AKAP7: variants seen among roughly 807,000 people sequenced by gnomAD.
AKAP7 encodes the protein A-kinase anchoring protein 7, also known as A kinase (PRKA) anchor protein 7.
AKAP7 carries 39 observed loss-of-function variants against 39.5 expected under a neutral mutation model. The observed-to-expected ratio is 0.99, with a 90% confidence interval of 0.76 to 1.29. AKAP7 has a LOEUF of 1.29. Among genes scored for constraint, AKAP7 ranks in the 50% most tolerant of loss-of-function variants. AKAP7 has a pLI of 0.00. For missense variants in AKAP7, 414 were observed against 407.7 expected (o/e 1.02, Z -0.13); for synonymous variants, 140 against 139.1 (o/e 1.01, Z -0.05).
At chr6:131,159,640 T>C (rs1584974696) in intron 2 of AKAP7, among the ~76,000 whole-genome samples, 1 of 152,146 alleles carries the variant, frequency 6.6e-6, no homozygotes, top group South Asian at 2.1e-4. Context: ...GGCAGTAGGG[T>C]TATACCCTAG....
At chr6:131,153,166 A>G (rs1263672452) in intron 2 of AKAP7, among the ~76,000 whole-genome samples, 4 of 151,898 alleles carry the variant, frequency 2.6e-5, no homozygotes, top group Non-Finnish European at 4.4e-5. Context: ...ATTGGGCTCA[A>G]TGTGTATCAA....
intron 5 of AKAP7, among the ~76,000 whole-genome samples, chr6:131,197,983 G>A (rs1807120032): frequency 1.3e-5 from 2 of 152,160 alleles, no homozygotes; most frequent in African/African-American, 4.8e-5. Context: ...AAGCGAATGA[G>A]TTACAGCTGT....
intron 7 of AKAP7, among the ~76,000 whole-genome samples, chr6:131,244,728 G>A (rs537123245): frequency 5.6e-4 from 86 of 152,288 alleles, no homozygotes; most frequent in South Asian, 8.3e-4. Flanking sequence ...GATTGGTGAA[G>A]AATAAGGACT....
rs756814922 is a variant in AKAP7, at chr6:131,226,763, TTTTG to T, written c.850+6972_850+6975del. ...GGGAATTTGGAAAGGTCTAGACGTT[TTTTG>T]TTTGTTTGTTTGTTTGCAGTCCAGT... On this transcript the variant is annotated intron_variant, in intron 7 of 7. Coordinates refer to ENST00000431975, the MANE Select transcript of AKAP7 (RefSeq NM_016377.4). 6.2e-3 allele frequency among the ~76,000 whole-genome samples: 951 copies of T among 152,314 alleles called. 10 individuals carry two copies. Among genetic ancestry groups the T allele is most frequent in the African/African-American group, 0.021 (882 of 41,570 alleles).
At chr6:131,216,357 A>G (rs944907713) in intron 6 of AKAP7, among the ~76,000 whole-genome samples, 1 of 152,164 alleles carries the variant, frequency 6.6e-6, no homozygotes, top group African/African-American at 2.4e-5. Context: ...CATTTAGCTA[A>G]ATGTAAATGA....
At chr6:131,126,874 G>C in the AKAP7 span, among the ~76,000 whole-genome samples, 6 of 152,242 alleles carry the variant, frequency 3.9e-5, no homozygotes, top group African/African-American at 1.4e-4. Context: ...CAGGTGTACA[G>C]AGTGTTTTCC....
chr6:131,231,029 C>T (rs536595695), intron 7 of AKAP7, among the ~76,000 whole-genome samples: 10 of 152,196 alleles, frequency 6.6e-5, no homozygotes, highest in African/African-American at 2.4e-4. Context: ...TGCTTTAGTT[C>T]ATGGGTCCAG....
Position 131,160,087 on chromosome 6 carries a change from G to C in AKAP7, c.180G>C (p.Lys60Asn). 6.3e-7 allele frequency: 1 copy of C among 1,593,616 alleles called. No homozygotes were observed. Among genetic ancestry groups the C allele is most frequent in the African/African-American group, 1.4e-5 (1 of 73,354 alleles). ...GITDEPQINL[K>N]RSQENEWVKS... is the part of the protein sequence containing the mutation. ...CTGATGAACCTCAAATAAATTTGAA[G>C]AGAAGTCAAGAAAATGAATGGGTCA... The change falls in exon 3 of 8, where the codon AAG becomes AAC. Residue 60 changes from lysine (K) to asparagine (N), a missense_variant. Coordinates refer to ENST00000431975, the MANE Select transcript of AKAP7 (RefSeq NM_016377.4).
At chr6:131,173,339 C>A (rs1729533) in intron 5 of AKAP7, among the ~76,000 whole-genome samples, 124,371 of 152,154 alleles carry the variant, frequency 0.82, 51,062 homozygotes, top group East Asian at 0.95. Context: ...GTTACTTGAA[C>A]ACTTAGAATC....
upstream of AKAP7, among the ~76,000 whole-genome samples, chr6:131,135,286 G>A (rs1272534312): frequency 6.6e-6 from 1 of 152,234 alleles, no homozygotes; most frequent in Non-Finnish European, 1.5e-5. Context: ...GGCTGCCAAA[G>A]GCCGTCGGAG....
chr6:131,212,416 A>G (rs1808753618), intron 6 of AKAP7, among the ~76,000 whole-genome samples: 1 of 152,178 alleles, frequency 6.6e-6, no homozygotes, highest in Admixed American at 6.5e-5. Flanking sequence ...TGACTGTTCC[A>G]TATTTAGCTA....
At chr6:131,266,080 C>T (rs1813775439) in intron 7 of AKAP7, among the ~76,000 whole-genome samples, 1 of 152,092 alleles carries the variant, frequency 6.6e-6, no homozygotes, top group African/African-American at 2.4e-5. Flanking sequence ...CGGGAGGAGA[C>T]CCTCAGCAGC....
intron 7 of AKAP7, among the ~76,000 whole-genome samples, chr6:131,242,599 A>G (rs890125936): frequency 6.6e-6 from 1 of 152,034 alleles, no homozygotes; most frequent in Non-Finnish European, 1.5e-5. Flanking sequence ...AGGTAAACAC[A>G]GAACACTAGC....
chr6:131,271,463 A>C, intron 7 of AKAP7, among the ~76,000 whole-genome samples: 1 of 152,132 alleles, frequency 6.6e-6, no homozygotes, highest in East Asian at 1.9e-4. Context: ...GCTTCAAAGT[A>C]AGTCTTGAAA....
rs575524409 is a variant in AKAP7 at position 131,258,308 on chromosome 6, G to A, written c.851-23222G>A. Among the ~76,000 whole-genome samples the A allele has an allele frequency of 7.9e-5, 12 of 152,254 alleles. No homozygotes were observed. The South Asian group carries it at 2.3e-3, about 29-fold the overall frequency. On this transcript the variant is annotated intron_variant, in intron 7 of 7. Coordinates refer to ENST00000431975, the MANE Select transcript of AKAP7 (RefSeq NM_016377.4). ...TACATGGCCTTGTAAAAAGAAATCT[G>A]TGAGACCTCAAAGTTTATTATGCCT...
At chr6:131,151,127 C>T (rs1379899291) in intron 2 of AKAP7, among the ~76,000 whole-genome samples, 2 of 152,038 alleles carry the variant, frequency 1.3e-5, no homozygotes, top group African/African-American at 4.8e-5. Flanking sequence ...ACTGCAACCT[C>T]TGCCTCCTGG....
chr6:131,164,495 T>C (rs1455150738), intron 3 of AKAP7: 4 of 453,728 alleles, frequency 8.8e-6, no homozygotes, highest in African/African-American at 2.0e-5. Context: ...GCATTTGGAC[T>C]TCTTTGCAAC....
intron 2 of AKAP7, among the ~76,000 whole-genome samples, chr6:131,147,049 A>C (rs1186173730): frequency 6.6e-6 from 1 of 152,098 alleles, no homozygotes; most frequent in African/African-American, 2.4e-5. Context: ...GTGTGGGAGG[A>C]GAGGGTGTCC....
At chr6:131,202,652 T>G (rs1807700155) in intron 6 of AKAP7, among the ~76,000 whole-genome samples, 1 of 150,954 alleles carries the variant, frequency 6.6e-6, no homozygotes, top group Admixed American at 6.6e-5. Flanking sequence ...GAGATATACC[T>G]AACGCTAAAT....
Sources: gnomAD v4.1 joint callset for allele counts (sites outside exome capture counted in the v4.1 genomes callset) on GRCh38, gnomAD v4.1.1 for gene constraint, MANE v1.5 for transcripts, NCBI Gene and HGNC (gene_info 2026-07-23, HGNC 2026-07-21) for gene names.